The following JARID2 variants were observed in gnomAD, a reference collection of about 807,000 sequenced individuals.
JARID2 encodes jumonji and AT-rich interaction domain containing 2.
In JARID2, 21 loss-of-function variants were observed where a neutral mutation model predicts 125.6. The observed-to-expected ratio is 0.17, with a 90% CI of 0.12 to 0.24. The LOEUF (loss-of-function observed/expected upper bound fraction) is 0.24, where lower values mean the gene tolerates loss of function less well. JARID2 is among the 10% of genes least tolerant of loss of function. JARID2 has a pLI of 1.00. For synonymous variants in JARID2, 736 were observed against 661.6 expected (o/e 1.11, Z -1.73); for missense variants, 1,303 against 1,639.6 (o/e 0.79, Z 3.55).
intron 1 of JARID2, among the ~76,000 whole-genome samples, chr6:15,268,122 T>TCA (rs1760159548): frequency 6.6e-6 from 1 of 152,174 alleles, no homozygotes; most frequent in South Asian, 2.1e-4. Flanking sequence ...CCAAACCCCA[T>TCA]CACTTAATAT....
At chr6:15,437,899 A>C (rs1345227742) in intron 3 of JARID2, among the ~76,000 whole-genome samples, 1 of 152,178 alleles carries the variant, frequency 6.6e-6, no homozygotes, top group Non-Finnish European at 1.5e-5. Context: ...GGGTGGAGAA[A>C]GGCCACTTAA....
intron 1 of JARID2, among the ~76,000 whole-genome samples, chr6:15,270,920 A>G (rs1760273010): frequency 1.3e-5 from 2 of 151,948 alleles, no homozygotes; most frequent in Admixed American, 1.3e-4. Flanking sequence ...CAGCCTGGGC[A>G]ACAGAGCAAG....
intron 3 of JARID2, among the ~76,000 whole-genome samples, chr6:15,416,778 A>G (rs1002959645): frequency 6.6e-6 from 1 of 152,166 alleles, no homozygotes; most frequent in East Asian, 1.9e-4. Flanking sequence ...GAACCATTAC[A>G]GAGACTTTCA....
At chr6:15,388,106 A>G (rs762283079) in intron 2 of JARID2, among the ~76,000 whole-genome samples, 25 of 152,174 alleles carry the variant, frequency 1.6e-4, no homozygotes, top group Non-Finnish European at 2.6e-4. Flanking sequence ...TGTGTTTTCT[A>G]AATCTTCGAA....
chr6:15,445,063 C>T (rs1043908169), intron 3 of JARID2, among the ~76,000 whole-genome samples: 3 of 151,974 alleles, frequency 2.0e-5, no homozygotes, highest in South Asian at 4.2e-4. Flanking sequence ...GCTGTTGTGC[C>T]GCAGTCAGGG....
At chr6:15,459,301 G>A (rs1474960168) in intron 4 of JARID2, among the ~76,000 whole-genome samples, 1 of 152,100 alleles carries the variant, frequency 6.6e-6, no homozygotes, top group Non-Finnish European at 1.5e-5. Context: ...ATGGCACATG[G>A]TATTTGCATG....
At chr6:15,356,486 C>T (rs1187884336) in intron 1 of JARID2, among the ~76,000 whole-genome samples, 1 of 152,080 alleles carries the variant, frequency 6.6e-6, no homozygotes, top group Non-Finnish European at 1.5e-5. Context: ...GAATCTTTAA[C>T]AAGTACATAT....
intron 3 of JARID2, among the ~76,000 whole-genome samples, chr6:15,434,041 A>G (rs1767095448): frequency 6.6e-6 from 1 of 151,198 alleles, no homozygotes; most frequent in African/African-American, 2.4e-5. Flanking sequence ...CACATGTTTC[A>G]GCTTGGCATG....
At chr6:15,440,834 T>C (rs185696212) in intron 3 of JARID2, among the ~76,000 whole-genome samples, 1 of 152,248 alleles carries the variant, frequency 6.6e-6, no homozygotes, top group Non-Finnish European at 1.5e-5. Flanking sequence ...GCAGATTTTT[T>C]AAATTATGAT....
intron 17 of JARID2, among the ~76,000 whole-genome samples, chr6:15,519,654 C>CTTGCATGGGTTGAGAAGTGTTTGT (rs1771736814): frequency 2.0e-5 from 3 of 152,044 alleles, no homozygotes; most frequent in Non-Finnish European, 2.9e-5. Flanking sequence ...GAAGTGTTTG[C>CTTGCATGGGTTGAGAAGTGTTTGT]ATTTACTTGC....
In JARID2 at chr6:15,414,255, G is replaced by A. The variant is rs560568355; in HGVS notation, c.323+3890G>A. Among the ~76,000 whole-genome samples the A allele has an allele frequency of 8.4e-4, 128 of 152,240 alleles. 1 individual carries two copies. The highest frequency in any genetic ancestry group is 2.9e-3 in the African/African-American group (120 of 41,524). ...TCTAGTCTGCTTTTCCAACCTGCAC[G>A]TTGAAGCAATTACATTTTTCTGATG... On this transcript the variant is annotated intron_variant, in intron 3 of 17. Transcript: ENST00000341776.
chr6:15,410,028 C>T (rs1422065097), intron 2 of JARID2, among the ~76,000 whole-genome samples, 196 bp from the exon 3 acceptor site: 4 of 152,206 alleles, frequency 2.6e-5, no homozygotes, highest in Non-Finnish European at 5.9e-5. Flanking sequence ...CCCTCTTAGG[C>T]ATTTCACTCT....
At chr6:15,514,719 C>G (rs1464702856) in intron 16 of JARID2, among the ~76,000 whole-genome samples, 1 of 152,142 alleles carries the variant, frequency 6.6e-6, no homozygotes, top group Non-Finnish European at 1.5e-5. Flanking sequence ...GGACGCAAAT[C>G]ACATTGTATC....
chr6:15,456,602 C>T (rs139451909), intron 4 of JARID2, among the ~76,000 whole-genome samples: 11 of 151,298 alleles, frequency 7.3e-5, no homozygotes, highest in East Asian at 3.9e-4. Context: ...TTTTTTTTCC[C>T]GGGAGGATAA....
intron 3 of JARID2, among the ~76,000 whole-genome samples, chr6:15,413,956 A>C (rs1220286205): frequency 1.3e-5 from 2 of 152,200 alleles, no homozygotes; most frequent in Non-Finnish European, 2.9e-5. Context: ...CAGGGTCATA[A>C]TTTATGTATG....
chr6:15,451,986 ATTTTCT>A lies in JARID2; in HGVS notation c.324-16_324-11del, dbSNP rs1767940406. ...CCAGTCTCTGCTTAATTTATTTTTA[ATTTTCT>A]TTTGCTTTTGCAGGCCCAGGCTGCA... On this transcript the variant is annotated splice_polypyrimidine_tract_variant and intron_variant, in intron 3 of 17. Coordinates refer to ENST00000341776, the MANE Select transcript of JARID2 (RefSeq NM_004973.4). 2 of 1,610,064 alleles carry A rather than the reference ATTTTCT, an allele frequency of 1.2e-6. No homozygotes were observed. The highest frequency in any genetic ancestry group is 4.5e-5 in the East Asian group (2 of 44,786).
chr6:15,517,113 G>A (rs368187363), intron 16 of JARID2, 48 bp from the exon 17 acceptor site: 135 of 1,401,316 alleles, frequency 9.6e-5, no homozygotes, highest in South Asian at 6.1e-4. Flanking sequence ...CTCCCAGGGC[G>A]CTGTGGAGCT....
chr6:15,486,779 T>C (rs1769884237), intron 5 of JARID2, among the ~76,000 whole-genome samples: 1 of 150,718 alleles, frequency 6.6e-6, no homozygotes. Context: ...GGCCTCAAAA[T>C]GCATCTCTTT....
chr6:15,271,036 T>C (rs1188116383), intron 1 of JARID2, among the ~76,000 whole-genome samples: 2 of 152,230 alleles, frequency 1.3e-5, no homozygotes, highest in African/African-American at 4.8e-5. Context: ...GCAAGTATTG[T>C]GTGATGGGAA....
Sources: allele counts gnomAD v4.1 joint callset (sites outside exome capture counted in the v4.1 genomes callset), GRCh38; gene constraint gnomAD v4.1.1; transcripts MANE v1.5; gene names NCBI Gene and HGNC (gene_info 2026-07-23, HGNC 2026-07-21).